The following CROCC2 variants were observed in gnomAD, a reference collection of about 807,000 sequenced individuals.
CROCC2 encodes ciliary rootlet coiled-coil protein 2.
CROCC2 carries 163 observed loss-of-function variants against 177.6 expected under a neutral mutation model. The observed-to-expected ratio is 0.92, with a 90% CI of 0.81 to 1.05. The LOEUF is 1.05. Ranked by LOEUF, CROCC2 falls within the 50% of genes least tolerant of loss-of-function variation. The probability of loss-of-function intolerance (pLI) is 0.00; values close to 1 mark genes in which losing one functional copy is unlikely to be tolerated. For missense variants in CROCC2, 1,929 were observed against 1,797.8 expected (o/e 1.07, Z -1.32); for synonymous variants, 904 against 787.3 (o/e 1.15, Z -2.48).
chr2:240,927,030 T>A (rs2059399599), intron 5 of CROCC2, among the ~76,000 whole-genome samples: 1 of 152,234 alleles, frequency 6.6e-6, no homozygotes, highest in Non-Finnish European at 1.5e-5. Context: ...TGGCATTCGA[T>A]CACCCAGGTC....
Position 240,967,479 on chromosome 2 carries a change from C to A in CROCC2, c.4267+14C>A. The A allele has an allele frequency of 6.6e-7, 1 of 1,509,652 alleles. No individual in the cohort carries two copies. The highest frequency in any genetic ancestry group is 1.4e-5 in the African/African-American group (1 of 72,346). The allele number at this position is 1,509,652 out of a possible 1,614,324, so 93.5% of individuals were successfully genotyped here. On this transcript the variant is annotated intron_variant, in intron 26 of 31. Transcript: ENST00000690015. ...AGGCGGAAGAAGGTGACCTCCCTTG[C>A]CCTGCCCCGCCCACCCTGGGAGTGG...
At chr2:240,910,085 C>T (rs968440481) in intron 1 of CROCC2, among the ~76,000 whole-genome samples, 10 of 152,114 alleles carry the variant, frequency 6.6e-5, no homozygotes, top group Non-Finnish European at 1.5e-4. Context: ...TGCACAGCAC[C>T]CCAGAATGCC....
intron 14 of CROCC2, among the ~76,000 whole-genome samples, chr2:240,945,703 T>A (rs921267192): frequency 1.3e-5 from 2 of 152,282 alleles, no homozygotes; most frequent in African/African-American, 4.8e-5. Flanking sequence ...GTGGAAGTGT[T>A]GGTCTGCAGC....
chr2:240,907,503 A>C (rs1206470823), intron 1 of CROCC2, among the ~76,000 whole-genome samples: 1 of 152,100 alleles, frequency 6.6e-6, no homozygotes, highest in Non-Finnish European at 1.5e-5. Flanking sequence ...TAGCATCTCA[A>C]AACTATGCCA....
chr2:240,932,434 G>A lies in CROCC2; in HGVS notation c.1044+20G>A, dbSNP rs1184398615. On this transcript the variant is annotated intron_variant, in intron 8 of 31. Coordinates refer to ENST00000690015, the MANE Select transcript of CROCC2 (RefSeq NM_001351305.2). The stretch of plus-strand genomic sequence containing the variant: ...AACCTGGTTGGTGGGCAGGACGGGG[G>A]TGGCTGTGTGGCAGGGGTCTGTCAC... 1.4e-6 allele frequency: 1 copy of A among 717,420 alleles called. No individual in the cohort carries two copies. The highest frequency in any genetic ancestry group is 1.5e-5 in the South Asian group (1 of 67,592). The allele number at this position is 717,420 out of a possible 1,614,324, so 44.4% of individuals were successfully genotyped here.
At position 240,955,858 on chromosome 2, in the gene CROCC2, G is replaced by A; in HGVS notation, c.2830-1G>A. ...TCACAAGCATACCCCGTCCTGTTCA[G>A]GCCCTGTCCCTGAAAGAAACAGAGC... On this transcript the variant is annotated splice_acceptor_variant, in intron 18 of 31. Transcript: ENST00000690015. LOFTEE classifies it high-confidence loss of function. 6.5e-7 allele frequency: 1 copy of A among 1,533,906 alleles called. No individual in the cohort carries two copies. Among genetic ancestry groups the A allele is most frequent in the Non-Finnish European group, 8.7e-7 (1 of 1,145,786 alleles).
In CROCC2 at chr2:240,934,367, C is replaced by T. The variant is rs781609994; in HGVS notation, c.1683C>T (p.Ser561=). 160 of 1,548,646 alleles carry T rather than the reference C, an allele frequency of 1.0e-4. No homozygotes were observed. The Middle Eastern group carries it at 4.4e-3, about 43-fold the overall frequency. ...TGCAGCAGCTGGAGGAGAAGGTCTC[C>T]GGGCTCAGAGAGGAGCTGGCATCGG... ...GRLQQLEEKV[S]GLREELASVR... The change falls in exon 12 of 32, where the codon TCC becomes TCT. Residue 561 remains serine, a synonymous_variant. Transcript: ENST00000690015.
At chr2:240,964,399 C>A in intron 21 of CROCC2, 67 bp from the exon 22 acceptor site, 2 of 1,537,502 alleles carry the variant, frequency 1.3e-6, no homozygotes, top group Non-Finnish European at 1.8e-6. Flanking sequence ...GAGGCAGAGA[C>A]CTGCTGGGCA....
intron 12 of CROCC2, 139 bp from the exon 13 acceptor site, chr2:240,934,777 G>C: frequency 1.0e-6 from 1 of 954,002 alleles, no homozygotes; most frequent in South Asian, 2.1e-5. Flanking sequence ...CCTCCCCACT[G>C]TGGCGACCTT....
In CROCC2 at chr2:240,958,649, G is replaced by A; in HGVS notation, c.2944-652G>A. ...CTGAACCCAGGGGTGCAGAGCCTGA[G>A]CAGGGCAGGGCTCGGACCCTTCATG... is the stretch of plus-strand genomic sequence containing the variant. On this transcript the variant is annotated intron_variant, in intron 19 of 31. Coordinates refer to ENST00000690015, the MANE Select transcript of CROCC2 (RefSeq NM_001351305.2). This position sits in a 1 kb window ranked among gnomAD's most constrained non-coding sequence, Gnocchi z 6.7. The A allele has an allele frequency of 3.2e-6, 3 of 933,266 alleles. No individual in the cohort carries two copies. Among genetic ancestry groups the A allele is most frequent in the Non-Finnish European group, 2.6e-6 (2 of 782,452 alleles). The allele number at this position is 933,266 out of a possible 1,614,324, so 57.8% of individuals were successfully genotyped here.
intron 14 of CROCC2, among the ~76,000 whole-genome samples, chr2:240,945,516 A>T (rs1163171634): frequency 6.6e-6 from 1 of 151,932 alleles, no homozygotes; most frequent in Non-Finnish European, 1.5e-5. Context: ...TTCAGCCCAA[A>T]CTCTTAAATG....
In CROCC2 at chr2:240,965,255, C is replaced by T. The variant is rs1055287262; in HGVS notation, c.3466-126C>T. ...GGCAAGGTCCTTTGGGGCACCTTAG[C>T]CCAAGCCTCCCTAAGTGTGGCCAGC... On this transcript the variant is annotated intron_variant, in intron 22 of 31. Transcript: ENST00000690015. The T allele has an allele frequency of 2.9e-6, 4 of 1,397,460 alleles. No homozygotes were observed. The Admixed American group carries it at 9.0e-5, about 31-fold the overall frequency. 86.6% of individuals were successfully genotyped at this position (1,397,460 alleles called of 1,614,324 possible). A position where few individuals can be genotyped will look rare whatever the true frequency, so the allele number is the denominator to read the frequency against.
At chr2:240,956,925 G>A (rs74000201) in intron 19 of CROCC2, among the ~76,000 whole-genome samples, 5,875 of 152,234 alleles carry the variant, frequency 0.039, 376 homozygotes, top group African/African-American at 0.14. Context: ...ACAGTGGGGG[G>A]TGGCCAGAGC....
In CROCC2 at chr2:240,959,337, C is replaced by T. The variant is rs1398960538; in HGVS notation, c.2980C>T (p.Leu994Phe). 6.4e-7 allele frequency: 1 copy of T among 1,550,500 alleles called. No individual in the cohort carries two copies. Among genetic ancestry groups the T allele is most frequent in the Admixed American group, 2.0e-5 (1 of 50,980 alleles). Residue 994 changes from leucine (L) to phenylalanine (F), a missense_variant, in exon 20 of 32, where the codon CTC becomes TTC. Leu to Phe is a conservative substitution (Grantham distance 22). Transcript: ENST00000690015. The part of the protein sequence containing the change: ...ISATTEELKA[L>F]QAQFEDAITA... ...TGCCACGACTGAGGAGCTGAAGGCC[C>T]TCCAGGCCCAGTTTGAGGATGCCAT... is the stretch of plus-strand genomic sequence containing the variant.
At chr2:240,916,563 C>A (rs2059322626) in intron 1 of CROCC2, among the ~76,000 whole-genome samples, 1 of 150,182 alleles carries the variant, frequency 6.7e-6, no homozygotes, top group Non-Finnish European at 1.5e-5. Flanking sequence ...CCGCGCCCCC[C>A]TCCGGCTCCA....
Position 240,961,890 on chromosome 2 carries a change from G to A in CROCC2, c.3088-1666G>A, listed in dbSNP as rs536896281. On this transcript the variant is annotated intron_variant, in intron 20 of 31. Transcript: ENST00000690015. ...CATCACACATGCTCATCACACACAT[G>A]TACACACACACGTAGTGCATGCACA... 2.3e-3 allele frequency among the ~76,000 whole-genome samples: 278 copies of A among 119,194 alleles called. 8 individuals are homozygous for A. The highest frequency in any genetic ancestry group is 8.4e-3 in the African/African-American group (244 of 29,010). 78.2% of individuals were successfully genotyped at this position (119,194 alleles called of 152,430 possible).
intron 26 of CROCC2, among the ~76,000 whole-genome samples, chr2:240,967,896 C>T (rs906626918): frequency 5.9e-5 from 9 of 151,958 alleles, no homozygotes. Context: ...CCCCCCACTG[C>T]CTCACACTCA....
chr2:240,983,778 C>T, intron 28 of CROCC2: 1 of 417,524 alleles, frequency 2.4e-6, no homozygotes, highest in South Asian at 2.0e-5. Flanking sequence ...CCTTGGCTCT[C>T]CCTGGGGAGG....
At chr2:240,966,196 C>T (rs1559608913) in intron 24 of CROCC2, 29 bp from the exon 25 acceptor site, 1 of 1,113,388 alleles carries the variant, frequency 9.0e-7, no homozygotes. Context: ...TGTTCCTGTC[C>T]ACGACCCCTC....
Sources: allele counts gnomAD v4.1 joint callset (sites outside exome capture counted in the v4.1 genomes callset), GRCh38; gene constraint gnomAD v4.1.1; non-coding constraint Gnocchi (gnomAD v3.1); transcripts MANE v1.5; gene names NCBI Gene and HGNC (gene_info 2026-07-23, HGNC 2026-07-21).